Variants in DIP2C observed in about 807,000 individuals in gnomAD.
DIP2C encodes the protein disco-interacting protein 2 homolog C.
Under a neutral mutation model 192.4 loss-of-function variants are expected in DIP2C, and 33 were observed. The observed-to-expected ratio is 0.17, with a 90% CI of 0.13 to 0.23. The LOEUF is 0.23. Ranked by LOEUF, DIP2C falls within the 10% of genes least tolerant of loss-of-function variation. DIP2C has a pLI of 1.00. For synonymous variants in DIP2C, 979 were observed against 864.1 expected, an observed-to-expected ratio of 1.13 and a Z score of -2.33; for missense variants, 1,537 against 2,110.1, an observed-to-expected ratio of 0.73 and a Z score of 5.32.
chr10:615,408 A>G (rs1853391052), intron 1 of DIP2C, among the ~76,000 whole-genome samples: 1 of 152,226 alleles, frequency 6.6e-6, no homozygotes, highest in South Asian at 2.1e-4. Context: ...ACAGGTGACT[A>G]TGAGGTCTGG....
chr10:629,333 CG>C (rs753477161), intron 1 of DIP2C, among the ~76,000 whole-genome samples: 1 of 152,138 alleles, frequency 6.6e-6, no homozygotes, highest in Non-Finnish European at 1.5e-5. Flanking sequence ...AACTCCAAAG[CG>C]GGCGATCTTG....
intron 32 of DIP2C, among the ~76,000 whole-genome samples, chr10:288,690 G>A (rs1167154751): frequency 6.6e-6 from 1 of 152,192 alleles, no homozygotes; most frequent in Non-Finnish European, 1.5e-5. Flanking sequence ...GTAACCATGA[G>A]TCCACTTAGC....
At chr10:554,078 A>C (rs1848722080) in intron 1 of DIP2C, among the ~76,000 whole-genome samples, 2 of 152,006 alleles carry the variant, frequency 1.3e-5, no homozygotes, top group African/African-American at 4.8e-5. Flanking sequence ...ACATCATAGG[A>C]GAAAAGGTAT....
At chr10:352,865 TCCCCAGGAATCCTAATGCAGCCTCTA>T (rs796426101) in intron 24 of DIP2C, among the ~76,000 whole-genome samples, 7 of 152,176 alleles carry the variant, frequency 4.6e-5, no homozygotes, top group African/African-American at 1.7e-4. Flanking sequence ...TCAGCCTTGC[TCCCCAGGAATCCTAATGCAGCCTCTA>T]CCCCAGGAGA....
At chr10:569,213 C>A (rs1849635743) in intron 1 of DIP2C, among the ~76,000 whole-genome samples, 1 of 152,196 alleles carries the variant, frequency 6.6e-6, no homozygotes, top group African/African-American at 2.4e-5. Context: ...TAACACATTG[C>A]CTACCCTGCC....
intron 1 of DIP2C, among the ~76,000 whole-genome samples, chr10:616,057 G>A (rs772955587): frequency 1.3e-5 from 2 of 152,058 alleles, no homozygotes; most frequent in African/African-American, 4.8e-5. Context: ...GAAAGGCTGG[G>A]GCAGATCTCC....
intron 14 of DIP2C, among the ~76,000 whole-genome samples, chr10:385,241 C>G (rs1962794519): frequency 6.6e-6 from 1 of 151,902 alleles, no homozygotes; most frequent in African/African-American, 2.4e-5. Flanking sequence ...CCTGGAGGCT[C>G]CTCAGTGTGG....
At chr10:364,840 C>T in intron 19 of DIP2C, 1 of 642,100 alleles carries the variant, frequency 1.6e-6, no homozygotes, top group South Asian at 1.6e-5. Flanking sequence ...GCCTCTGAAC[C>T]CTGAACAGAT....
rs191643094 is a variant in DIP2C, at chr10:337,189, C to A, written c.3584+4010G>T. Reference sequence around the variant, plus strand: ...GATGTGTGCATGCGTGTGGTGGAGGCCTAGGCAGCTGTCTGTGTGTGCAAG... The same window carrying A: ...GATGTGTGCATGCGTGTGGTGGAGGACTAGGCAGCTGTCTGTGTGTGCAAG... On this transcript the variant is annotated intron_variant, in intron 29 of 36. Transcript: ENST00000280886. Among the ~76,000 whole-genome samples, 4 of 103,426 alleles carry A rather than the reference C, an allele frequency of 3.9e-5. No individual in the cohort carries two copies. In the Admixed American group the frequency reaches 5.1e-4, roughly 13 times the overall value. 67.9% of individuals were successfully genotyped at this position (103,426 alleles called of 152,430 possible).
chr10:593,414 C>G, intron 1 of DIP2C, among the ~76,000 whole-genome samples: 1 of 151,738 alleles, frequency 6.6e-6, no homozygotes, highest in African/African-American at 2.4e-5. Context: ...GCCTTCACAC[C>G]TCACCCCCGC....
At position 334,321 on chromosome 10, in the gene DIP2C, A is replaced by G. The variant is rs993975701; in HGVS notation, c.3585-4720T>C. ...GACTGTCTCAAAAAAAAAAAAAAAA[A>G]AAAAGAAAAAATTTATTACATAGGT... is the stretch of plus-strand genomic sequence containing the variant. On this transcript the variant is annotated intron_variant, in intron 29 of 36. Coordinates refer to ENST00000280886, the MANE Select transcript of DIP2C (RefSeq NM_014974.3). Among the ~76,000 whole-genome samples the G allele has an allele frequency of 1.3e-5, 2 of 151,378 alleles. 1 individual carries two copies. The highest frequency in any genetic ancestry group is 4.8e-5 in the African/African-American group (2 of 41,260).
chr10:484,866 G>A (rs571483255), intron 2 of DIP2C: 25 of 1,611,684 alleles, frequency 1.6e-5, no homozygotes, highest in Middle Eastern at 1.7e-4. Flanking sequence ...CGCACACCCC[G>A]ATGTGGGCAG....
intron 1 of DIP2C, chr10:663,994 CAGGAGGAAAA>C (rs1856928667): frequency 3.7e-5 from 5 of 136,110 alleles, no homozygotes; most frequent in South Asian, 2.3e-4. Flanking sequence ...AGCCTCCTCC[CAGGAGGAAAA>C]AACAAAGACG....
chr10:631,938 G>A (rs748512705), intron 1 of DIP2C, among the ~76,000 whole-genome samples: 2 of 152,172 alleles, frequency 1.3e-5, no homozygotes, highest in African/African-American at 4.8e-5. Flanking sequence ...TCAATGTTCT[G>A]TAACCCACAT....
rs535555015 is a variant in DIP2C at position 333,199 on chromosome 10, G to A, written c.3585-3598C>T. On this transcript the variant is annotated intron_variant, in intron 29 of 36. Coordinates refer to ENST00000280886, the MANE Select transcript of DIP2C (RefSeq NM_014974.3). ...ATTACCTGCATGAGCCACCGCACCC[G>A]GCCTATTCTTTTTAAAACACCCGTC... Among the ~76,000 whole-genome samples, 167 of 152,036 alleles carry A rather than the reference G, an allele frequency of 1.1e-3. 3 individuals carry two copies. The highest frequency in any genetic ancestry group is 6.6e-4 in the Non-Finnish European group (45 of 67,996).
At chr10:563,759 C>T (rs1003055492) in intron 1 of DIP2C, among the ~76,000 whole-genome samples, 3 of 152,294 alleles carry the variant, frequency 2.0e-5, no homozygotes, top group East Asian at 1.9e-4. Flanking sequence ...ATTAGTCTTT[C>T]GGTGAGAATG....
At chr10:326,623 T>A (rs1244452515) in intron 31 of DIP2C, among the ~76,000 whole-genome samples, 2 of 152,240 alleles carry the variant, frequency 1.3e-5, no homozygotes, top group South Asian at 2.1e-4. Context: ...CAGAACCTGC[T>A]CAATGTCATT....
chr10:314,405 G>A (rs1032089104), intron 31 of DIP2C, among the ~76,000 whole-genome samples: 3 of 152,158 alleles, frequency 2.0e-5, no homozygotes, highest in Non-Finnish European at 4.4e-5. Flanking sequence ...AGTTGCAGGG[G>A]CTTCAGCTCA....
chr10:520,923 G>C (rs931997881), intron 1 of DIP2C, among the ~76,000 whole-genome samples: 1 of 152,164 alleles, frequency 6.6e-6, no homozygotes, highest in South Asian at 2.1e-4. Context: ...GCTACATTCA[G>C]TTTAATTACA....
Sources: allele counts gnomAD v4.1 joint callset (sites outside exome capture counted in the v4.1 genomes callset), GRCh38; gene constraint gnomAD v4.1.1; transcripts MANE v1.5; gene names NCBI Gene and HGNC (gene_info 2026-07-23, HGNC 2026-07-21).